GFRA2: variants seen among roughly 807,000 people sequenced by gnomAD.
GFRA2 encodes the protein GDNF family receptor alpha-2.
Under a neutral mutation model 48.3 loss-of-function variants are expected in GFRA2, and 17 were observed. The ratio of observed to expected loss-of-function variants is 0.35; its 90% CI spans 0.24 to 0.53. The LOEUF is 0.53. Among genes scored for constraint, GFRA2 ranks in the 20% least tolerant of loss-of-function variants. GFRA2 has a pLI of 0.93. For missense variants in GFRA2, 660 were observed against 637.3 expected (o/e 1.04, Z -0.38); for synonymous variants, 305 against 257.2 (o/e 1.19, Z -1.78).
intron 4 of GFRA2, among the ~76,000 whole-genome samples, chr8:21,728,883 C>A (rs1012399624): frequency 6.6e-6 from 1 of 152,250 alleles, no homozygotes; most frequent in Non-Finnish European, 1.5e-5. Flanking sequence ...CACAAGAGCT[C>A]ACTCAGGGTC....
intron 7 of GFRA2, among the ~76,000 whole-genome samples, chr8:21,697,403 A>G (rs1802262894): frequency 6.6e-6 from 1 of 152,052 alleles, no homozygotes; most frequent in Non-Finnish European, 1.5e-5. Flanking sequence ...ATCAGGGGAC[A>G]GTGAAACACC....
chr8:21,774,848 G>C lies in GFRA2; in HGVS notation c.439+124C>G, dbSNP rs1464603961. 4.5e-6 allele frequency: 3 copies of C among 660,026 alleles called. No homozygotes were observed. In the African/African-American group the frequency reaches 5.3e-5, roughly 12 times the overall value. 40.9% of individuals were successfully genotyped at this position (660,026 alleles called of 1,614,324 possible). A position where few individuals can be genotyped will look rare whatever the true frequency, so the allele number is the denominator to read the frequency against. On this transcript the variant is annotated intron_variant, in intron 3 of 8. Coordinates refer to ENST00000524240, the MANE Select transcript of GFRA2 (RefSeq NM_001495.5). ...GAACTGAGGCTCAGAACCGTTGAGG[G>C]ACGAGCTGATGGGCAGCAGGGCCAT... is the stretch of plus-strand genomic sequence containing the variant.
At chr8:21,749,284 G>A (rs1011584466) in intron 4 of GFRA2, among the ~76,000 whole-genome samples, 1 of 151,654 alleles carries the variant, frequency 6.6e-6, no homozygotes, top group African/African-American at 2.4e-5. Flanking sequence ...GCTACACTTG[G>A]TAAGCACTTA....
At chr8:21,712,419 C>A (rs975434886) in intron 4 of GFRA2, among the ~76,000 whole-genome samples, 3 of 151,758 alleles carry the variant, frequency 2.0e-5, no homozygotes, top group Non-Finnish European at 4.4e-5. Flanking sequence ...GGCGGCCGGG[C>A]AGAGACGCTC....
rs1251296225 is a variant in GFRA2 at position 21,694,446 on chromosome 8, A to C, written c.1272+18T>G. On this transcript the variant is annotated intron_variant, in intron 8 of 8. Coordinates refer to ENST00000524240, the MANE Select transcript of GFRA2 (RefSeq NM_001495.5). ...GGCCCAGCCTTCTGCACCCATCCCC[A>C]CTCTGCCCCCAACTCACCTCTGTGA... 1.2e-6 allele frequency: 2 copies of C among 1,608,664 alleles called. No homozygotes were observed. Among genetic ancestry groups the C allele is most frequent in the East Asian group, 2.2e-5 (1 of 44,716 alleles).
chr8:21,756,121 G>A (rs1293672152), intron 3 of GFRA2, among the ~76,000 whole-genome samples: 2 of 152,194 alleles, frequency 1.3e-5, no homozygotes, highest in Non-Finnish European at 2.9e-5. Context: ...CTAATTTAGG[G>A]CTGCGGCTGC....
chr8:21,694,412 C>T, intron 8 of GFRA2, 52 bp downstream of exon 8: 7 of 1,534,602 alleles, frequency 4.6e-6, no homozygotes, highest in Middle Eastern at 1.7e-4. Flanking sequence ...GGAAATGCCG[C>T]CCCCCACCGG....
intron 2 of GFRA2, among the ~76,000 whole-genome samples, chr8:21,802,526 T>C (rs985936823): frequency 6.6e-6 from 1 of 152,096 alleles, no homozygotes. Flanking sequence ...GGCTAATTTT[T>C]TAATTTTTTA....
intron 3 of GFRA2, among the ~76,000 whole-genome samples, chr8:21,759,143 C>T (rs1471121548): frequency 6.6e-6 from 1 of 152,232 alleles, no homozygotes; most frequent in African/African-American, 2.4e-5. Context: ...GTAGCCCCAG[C>T]GCTTTGAGAG....
At chr8:21,794,032 T>C (rs919400999) in intron 2 of GFRA2, among the ~76,000 whole-genome samples, 66 of 152,046 alleles carry the variant, frequency 4.3e-4, no homozygotes, top group Non-Finnish European at 8.5e-4. Context: ...ATTTATTTAC[T>C]TAGCAGAGAT....
chr8:21,728,511 G>T (rs1474210423), intron 4 of GFRA2, among the ~76,000 whole-genome samples: 1 of 151,976 alleles, frequency 6.6e-6, no homozygotes, highest in Non-Finnish European at 1.5e-5. Context: ...CTGACCTCAG[G>T]TAATCCACCC....
chr8:21,805,225 C>T (rs1188139476), intron 1 of GFRA2: 2 of 152,238 alleles, frequency 1.3e-5, no homozygotes. Flanking sequence ...TCCCCTCCAT[C>T]CTAGTCTACA....
In GFRA2 at chr8:21,705,105, A is replaced by G. The variant is rs764999906; in HGVS notation, c.925T>C (p.Tyr309His). 4.3e-6 allele frequency: 7 copies of G among 1,611,072 alleles called. 1 individual carries two copies. In the South Asian group the frequency reaches 6.6e-5, roughly 15 times the overall value. ...ATGCCAGTGGGGCTGGAGTCCACAT[A>G]GTTAGGTGTCATGTCAAACCCTGGG... The part of the protein sequence containing the change: ...GMIGFDMTPN[Y>H]VDSSPTGIVV... The change falls in exon 6 of 9, where the codon TAT (tyrosine) becomes CAT (histidine). Residue 309 changes from tyrosine to histidine, a missense_variant. Coordinates refer to ENST00000524240, the MANE Select transcript of GFRA2 (RefSeq NM_001495.5).
At chr8:21,768,135 C>T (rs1364747097) in intron 3 of GFRA2, among the ~76,000 whole-genome samples, 2 of 152,200 alleles carry the variant, frequency 1.3e-5, no homozygotes, top group African/African-American at 4.8e-5. Context: ...CCATAGCCCC[C>T]ACTCTCTTGC....
At chr8:21,707,662 T>G (rs1311431375) in intron 4 of GFRA2, among the ~76,000 whole-genome samples, 1 of 152,186 alleles carries the variant, frequency 6.6e-6, no homozygotes, top group Non-Finnish European at 1.5e-5. Flanking sequence ...ATGCCCAAGT[T>G]CCCTGCTTCT....
intron 3 of GFRA2, among the ~76,000 whole-genome samples, chr8:21,754,844 C>T (rs1057206989): frequency 6.6e-6 from 1 of 152,106 alleles, no homozygotes; most frequent in Non-Finnish European, 1.5e-5. Flanking sequence ...GAGAAAAGTG[C>T]CCTCTCTTCT....
chr8:21,788,292 A>AC lies in GFRA2; in HGVS notation c.-134dup. ...CCAATGCGGAGATCCCAGCTAGTCC[A>AC]CCCGATGAAGATCCCGAGTCCTGCG... On this transcript the variant is annotated 5_prime_UTR_variant, in exon 1 of 9. Coordinates refer to ENST00000524240, the MANE Select transcript of GFRA2 (RefSeq NM_001495.5). The AC allele has an allele frequency of 7.2e-7, 1 of 1,383,622 alleles. No homozygotes were observed. Among genetic ancestry groups the AC allele is most frequent in the Non-Finnish European group, 9.4e-7 (1 of 1,064,858 alleles). 85.7% of individuals were successfully genotyped at this position (1,383,622 alleles called of 1,614,324 possible). A position where few individuals can be genotyped will look rare whatever the true frequency, so the allele number is the denominator to read the frequency against.
intron 2 of GFRA2, 58 bp downstream of exon 2, chr8:21,782,527 A>C: frequency 1.5e-6 from 2 of 1,331,682 alleles, no homozygotes; most frequent in South Asian, 2.7e-5. Context: ...GGCCCGCCAC[A>C]CGTCCTCTCT....
intron 3 of GFRA2, among the ~76,000 whole-genome samples, chr8:21,774,444 A>C (rs929000179): frequency 6.6e-6 from 1 of 152,174 alleles, no homozygotes; most frequent in Non-Finnish European, 1.5e-5. Flanking sequence ...AGAGAGGGAA[A>C]ACCCAGGGCA....
Sources: gnomAD v4.1 joint callset for allele counts (sites outside exome capture counted in the v4.1 genomes callset) on GRCh38, gnomAD v4.1.1 for gene constraint, MANE v1.5 for transcripts, NCBI Gene and HGNC (gene_info 2026-07-23, HGNC 2026-07-21) for gene names.